The following RNF38 variants were observed in gnomAD, a reference collection of about 807,000 sequenced individuals.
The protein encoded by RNF38 is E3 ubiquitin-protein ligase RNF38.
Under a neutral mutation model 67.2 loss-of-function variants are expected in RNF38, and 15 were observed. The observed-to-expected ratio is 0.22, with a 90% CI of 0.15 to 0.34. The LOEUF (loss-of-function observed/expected upper bound fraction) is 0.34, where lower values mean the gene tolerates loss of function less well. RNF38 is among the 10% of genes least tolerant of loss of function. The probability of loss-of-function intolerance (pLI) is 1.00; values close to 1 mark genes in which losing one functional copy is unlikely to be tolerated. For missense variants in RNF38, 524 were observed against 639.9 expected, an observed-to-expected ratio of 0.82 and a Z score of 1.95; for synonymous variants, 220 against 218.8, an observed-to-expected ratio of 1.01 and a Z score of -0.05.
At chr9:36,451,379 C>G (rs915053121) in intron 1 of RNF38, among the ~76,000 whole-genome samples, 1 of 150,954 alleles carries the variant, frequency 6.6e-6, no homozygotes, top group African/African-American at 2.4e-5. Context: ...ACAGGAGAAT[C>G]GCTTGAAGCC....
chr9:36,468,113 C>T (rs965129353), intron 1 of RNF38, among the ~76,000 whole-genome samples: 10 of 152,060 alleles, frequency 6.6e-5, no homozygotes, highest in African/African-American at 1.4e-4. Context: ...GTTGTGGTGG[C>T]GCACGCCTGT....
At chr9:36,448,831 C>T (rs1839369352) in intron 1 of RNF38, among the ~76,000 whole-genome samples, 1 of 151,952 alleles carries the variant, frequency 6.6e-6, no homozygotes, top group Non-Finnish European at 1.5e-5. Context: ...TGGTGAAACC[C>T]TGTCTCTATT....
chr9:36,408,549 T>C (rs1307691752), intron 2 of RNF38, among the ~76,000 whole-genome samples: 1 of 152,160 alleles, frequency 6.6e-6, no homozygotes. Flanking sequence ...GCCCTTCTGT[T>C]AAATCCTTTA....
At chr9:36,372,665 G>T in intron 3 of RNF38, 1 of 580,736 alleles carries the variant, frequency 1.7e-6, no homozygotes, top group Non-Finnish European at 3.1e-6. Flanking sequence ...AGGAGAGCCA[G>T]TTTTCAGGGT....
chr9:36,432,288 T>C (rs906738575), intron 1 of RNF38, among the ~76,000 whole-genome samples: 1 of 151,974 alleles, frequency 6.6e-6, no homozygotes, highest in African/African-American at 2.4e-5. Context: ...GGGTGTGCCA[T>C]TATGCCTGGC....
chr9:36,441,875 G>A (rs987972776), intron 1 of RNF38, among the ~76,000 whole-genome samples: 4 of 152,156 alleles, frequency 2.6e-5, no homozygotes, highest in Admixed American at 2.0e-4. Context: ...CAACTTCTAA[G>A]AAAGATTATT....
chr9:36,354,255 C>T (rs552959414), intron 6 of RNF38, among the ~76,000 whole-genome samples: 7 of 152,228 alleles, frequency 4.6e-5, no homozygotes, highest in African/African-American at 1.7e-4. Context: ...TGCAGTGGCG[C>T]CATCTTGGCT....
At chr9:36,397,280 AT>A (rs1043599954) in intron 1 of RNF38, among the ~76,000 whole-genome samples, 1 of 151,682 alleles carries the variant, frequency 6.6e-6, no homozygotes, top group Non-Finnish European at 1.5e-5. Flanking sequence ...CACCCGACTA[AT>A]TTTTTTATTT....
At position 36,364,002 on chromosome 9, in the gene RNF38, C is replaced by T. The variant is rs531544666; in HGVS notation, c.570+5717G>A. On this transcript the variant is annotated intron_variant, in intron 4 of 11. Coordinates refer to ENST00000259605, the MANE Select transcript of RNF38 (RefSeq NM_022781.5). ...CCCACCACCACGTCTGGCTAACTTT[C>T]GTGTTTTTAGTAGAGATGGGGTGTC... is the stretch of plus-strand genomic sequence containing the variant. Among the ~76,000 whole-genome samples the T allele has an allele frequency of 2.1e-5, 2 of 93,588 alleles. 1 individual carries two copies. The highest frequency in any genetic ancestry group is 5.5e-5 in the Non-Finnish European group (2 of 36,650). 61.4% of individuals were successfully genotyped at this position (93,588 alleles called of 152,430 possible).
At chr9:36,470,670 A>AAT (rs145441737) in intron 1 of RNF38, among the ~76,000 whole-genome samples, 4,605 of 152,236 alleles carry the variant, frequency 0.03, 224 homozygotes, top group African/African-American at 0.099. Flanking sequence ...TTGTATTGCT[A>AAT]ATATTGTAGC....
At chr9:36,478,866 A>T (rs1208883637) in intron 1 of RNF38, among the ~76,000 whole-genome samples, 1 of 151,918 alleles carries the variant, frequency 6.6e-6, no homozygotes, top group Non-Finnish European at 1.5e-5. Context: ...TGGGAGAGTA[A>T]GCAAGTTATG....
At chr9:36,443,627 T>C (rs1839242609) in intron 1 of RNF38, among the ~76,000 whole-genome samples, 1 of 152,050 alleles carries the variant, frequency 6.6e-6, no homozygotes, top group Admixed American at 6.6e-5. Flanking sequence ...TTTCAAGCCA[T>C]CAAACCATAT....
rs1839561804 is a variant in RNF38, at chr9:36,455,303, C to T, written n.242-30620G>A. ...TCTCAAACTCCAGGCCTCCAGTGAT[C>T]CACCTGCCTCGGCCTCCCAAAGTGC... On this transcript the variant is annotated intron_variant and non_coding_transcript_variant, in intron 1 of 3. Transcript: ENST00000488058. 2.0e-5 allele frequency among the ~76,000 whole-genome samples: 3 copies of T among 152,066 alleles called. No individual in the cohort carries two copies. The East Asian group carries it at 5.9e-4, about 30-fold the overall frequency.
At chr9:36,485,893 G>C (rs1488625994) in intron 1 of RNF38, among the ~76,000 whole-genome samples, 4 of 152,122 alleles carry the variant, frequency 2.6e-5, no homozygotes, top group Non-Finnish European at 5.9e-5. Flanking sequence ...ATGAGGGGGA[G>C]GGGGTGCTCA....
intron 1 of RNF38, among the ~76,000 whole-genome samples, chr9:36,454,272 C>A (rs769375824): frequency 6.6e-6 from 1 of 151,840 alleles, no homozygotes; most frequent in Admixed American, 6.6e-5. Context: ...TACAGGCATC[C>A]GCCACCATGC....
At chr9:36,400,660 G>A, upstream of RNF38, 4 of 985,700 alleles carry the variant, frequency 4.1e-6, no homozygotes, top group Non-Finnish European at 4.8e-6. Context: ...CGCCAGATCC[G>A]CCGTCCGCGG....
In RNF38 at chr9:36,389,344, CAA is replaced by C. The variant is rs35595917; in HGVS notation, c.162+1121_162+1122del. Among the ~76,000 whole-genome samples the C allele has an allele frequency of 7.1e-3, 943 of 132,902 alleles. 9 individuals are homozygous for C. Among genetic ancestry groups the C allele is most frequent in the African/African-American group, 0.021 (734 of 34,394 alleles). 87.2% of individuals were successfully genotyped at this position (132,902 alleles called of 152,430 possible). ...CAAAGGGAGTATGGAGAAAAGTATCCAAAAAAAAAAAAAAAACCCTTTTTATT... is the reference window on the plus strand; with the variant it reads ...CAAAGGGAGTATGGAGAAAAGTATCCAAAAAAAAAAAAAACCCTTTTTATT... On this transcript the variant is annotated intron_variant, in intron 2 of 11. Coordinates refer to ENST00000259605, the MANE Select transcript of RNF38 (RefSeq NM_022781.5).
At chr9:36,341,873 C>T (rs1825303775) in intron 11 of RNF38, among the ~76,000 whole-genome samples, 2 of 46,204 alleles carry the variant, frequency 4.3e-5, no homozygotes, top group South Asian at 7.4e-4. Flanking sequence ...TATAAAGAAG[C>T]CCCTGCAATA....
chr9:36,404,221 T>A (rs192310059), upstream of RNF38, among the ~76,000 whole-genome samples: 11 of 152,364 alleles, frequency 7.2e-5, no homozygotes, highest in Admixed American at 6.5e-4. Flanking sequence ...CAACTGCTCC[T>A]TTGTTTAAAA....
Sources: gnomAD v4.1 joint callset for allele counts (sites outside exome capture counted in the v4.1 genomes callset) on GRCh38, gnomAD v4.1.1 for gene constraint, MANE v1.5 for transcripts, NCBI Gene and HGNC (gene_info 2026-07-23, HGNC 2026-07-21) for gene names.